The following HEG1 variants were observed in gnomAD, a reference collection of about 807,000 sequenced individuals.
The protein encoded by HEG1 is protein HEG homolog 1.
A neutral mutation model predicts 125.6 loss-of-function variants in HEG1; 56 were observed. The observed-to-expected ratio is 0.45, with a 90% confidence interval of 0.36 to 0.56. The LOEUF (loss-of-function observed/expected upper bound fraction) is 0.56, where lower values mean the gene tolerates loss of function less well. HEG1 is among the 20% of genes least tolerant of loss of function. HEG1 has a pLI of 0.00. For missense variants in HEG1, 1,523 were observed against 1,670.0 expected, an observed-to-expected ratio of 0.91 and a Z score of 1.53; for synonymous variants, 644 against 668.5, an observed-to-expected ratio of 0.96 and a Z score of 0.57.
intron 1 of HEG1, among the ~76,000 whole-genome samples, chr3:125,052,559 G>T (rs1027541645): frequency 1.3e-5 from 2 of 152,156 alleles, no homozygotes; most frequent in Admixed American, 1.3e-4. Context: ...CCTCTCATCT[G>T]CAGATCTCAC....
intron 7 of HEG1, 129 bp downstream of exon 7, chr3:125,010,310 T>A: frequency 1.7e-6 from 1 of 603,186 alleles, no homozygotes; most frequent in South Asian, 2.2e-5. Flanking sequence ...ACAAACATGC[T>A]GACTCTCAAG....
At chr3:125,019,868 T>C (rs1937310093) in intron 4 of HEG1, among the ~76,000 whole-genome samples, 1 of 152,210 alleles carries the variant, frequency 6.6e-6, no homozygotes, top group Admixed American at 6.5e-5. Flanking sequence ...GGCTTGAGTG[T>C]TTCATTCTCT....
rs115710778 is a variant in HEG1 at position 124,985,211 on chromosome 3, A to G, written c.3733+5576T>C. Among the ~76,000 whole-genome samples, 1,002 of 152,270 alleles carry G rather than the reference A, an allele frequency of 6.6e-3. 9 individuals are homozygous for G. The highest frequency in any genetic ancestry group is 0.021 in the African/African-American group (854 of 41,556). On this transcript the variant is annotated intron_variant, in intron 14 of 16. Coordinates refer to ENST00000311127, the MANE Select transcript of HEG1 (RefSeq NM_020733.2). ...AAGTTGCTCATTTCCAATAAGCTCC[A>G]AGGTGACATGGATCCTGCTGGCCTA... is the stretch of plus-strand genomic sequence containing the variant.
rs58802991 is a variant in HEG1 at position 124,973,015 on chromosome 3, C to CTATTAT, written c.3996+710_3996+715dup. On this transcript the variant is annotated intron_variant, in intron 16 of 16. Transcript: ENST00000311127. ...TTTTTGTTGTTGTTGTTTATTATTG[C>CTATTAT]TATTATTATTATTATTATTATTTTG... 1.4e-3 allele frequency among the ~76,000 whole-genome samples: 209 copies of CTATTAT among 150,228 alleles called. 1 individual carries two copies. Among genetic ancestry groups the CTATTAT allele is most frequent in the South Asian group, 4.3e-3 (20 of 4,692 alleles).
intron 8 of HEG1, among the ~76,000 whole-genome samples, chr3:125,008,599 G>A (rs1307350140): frequency 1.3e-5 from 2 of 152,126 alleles, no homozygotes; most frequent in African/African-American, 4.8e-5. Context: ...TCAGGAGTTC[G>A]AGAGCATGGC....
chr3:125,016,801 A>G (rs1436389838), intron 5 of HEG1, among the ~76,000 whole-genome samples: 2 of 152,334 alleles, frequency 1.3e-5, no homozygotes, highest in South Asian at 2.1e-4. Flanking sequence ...CAGCTAATAC[A>G]TTTTTGCTTT....
intron 12 of HEG1, among the ~76,000 whole-genome samples, chr3:124,993,491 T>C (rs7637635): frequency 0.69 from 104,536 of 151,934 alleles, 36,030 homozygotes; most frequent in Middle Eastern, 0.77. Flanking sequence ...CTCCCATGTC[T>C]GGTGGCCCTC....
At chr3:124,995,253 T>C (rs992216503) in intron 12 of HEG1, among the ~76,000 whole-genome samples, 1 of 151,940 alleles carries the variant, frequency 6.6e-6, no homozygotes, top group African/African-American at 2.4e-5. Flanking sequence ...GAGACTTGAT[T>C]GCGCCACTGC....
chr3:124,990,537 C>T (rs1282094399), intron 14 of HEG1, among the ~76,000 whole-genome samples: 1 of 152,158 alleles, frequency 6.6e-6, no homozygotes, highest in Admixed American at 6.5e-5. Flanking sequence ...CGGGCTTTCA[C>T]CATGTTGGCC....
chr3:124,989,999 G>A (rs1249544284), intron 14 of HEG1, among the ~76,000 whole-genome samples: 1 of 152,000 alleles, frequency 6.6e-6, no homozygotes, highest in East Asian at 1.9e-4. Context: ...CTTACACACT[G>A]TCCCCAGAAC....
chr3:124,974,563 C>T (rs1225024579), intron 15 of HEG1, among the ~76,000 whole-genome samples: 1 of 152,142 alleles, frequency 6.6e-6, no homozygotes, highest in Non-Finnish European at 1.5e-5. Context: ...TGAAAAAGCC[C>T]ACCTATTTAT....
At chr3:124,978,132 G>C (rs1228145809) in intron 14 of HEG1, among the ~76,000 whole-genome samples, 186 bp from the exon 15 acceptor site, 2 of 152,122 alleles carry the variant, frequency 1.3e-5, no homozygotes, top group Non-Finnish European at 2.9e-5. Flanking sequence ...ATATTGAGAA[G>C]AGTTTTTTGT....
chr3:125,047,501 ACTGT>A (rs1324459598), intron 1 of HEG1, among the ~76,000 whole-genome samples: 4 of 152,088 alleles, frequency 2.6e-5, no homozygotes, highest in African/African-American at 7.2e-5. Flanking sequence ...TTGAATTGAG[ACTGT>A]CTGACGCTTC....
At position 125,013,579 on chromosome 3, in the gene HEG1, G is replaced by C; in HGVS notation, c.2000C>G (p.Ser667Cys). The change falls in exon 6 of 17, where the codon TCC becomes TGC. Residue 667 changes from serine (S) to cysteine (C), a missense_variant. By Grantham distance (112) the Ser-to-Cys change is moderately radical. Coordinates refer to ENST00000311127, the MANE Select transcript of HEG1 (RefSeq NM_020733.2). ...AGGAGGCCCTGAAGAAGAAGAAGAGGAGGAGGAGGAAGAGGAGGAGGAGGA... is the reference window on the plus strand; with the variant it reads ...AGGAGGCCCTGAAGAAGAAGAAGAGCAGGAGGAGGAAGAGGAGGAGGAGGA... ...SDSSSSSSSSSSSSSSGPPLP... is the reference protein window; with the variant it reads ...SDSSSSSSSSCSSSSSGPPLP... The C allele has an allele frequency of 6.3e-7, 1 of 1,596,378 alleles. No homozygotes were observed. The highest frequency in any genetic ancestry group is 8.5e-7 in the Non-Finnish European group (1 of 1,171,636).
Position 125,054,209 on chromosome 3 carries a change from C to T in HEG1, c.316+1366G>A, listed in dbSNP as rs1027664347. On this transcript the variant is annotated intron_variant, in intron 1 of 16. Transcript: ENST00000311127. ...CTTCCCGTGGAAGTTAGCAAAACAG[C>T]GTATGCTGTAAGTAATCTAAAGTCA... Among the ~76,000 whole-genome samples the T allele has an allele frequency of 7.9e-5, 12 of 152,312 alleles. No homozygotes were observed. The East Asian group carries it at 1.2e-3, about 15-fold the overall frequency.
In HEG1 at chr3:125,012,783, G is replaced by A. The variant is rs750412086; in HGVS notation, c.2796C>T (p.Gly932=). ...AAGCTGGGCTGTACTCTGCTGTAACGCCAAGCTTTGTGGTCATTTCTTTTG... is the reference window on the plus strand; with the variant it reads ...AAGCTGGGCTGTACTCTGCTGTAACACCAAGCTTTGTGGTCATTTCTTTTG... The part of the protein sequence containing the change: ...TSAKEMTTKL[G]VTAEYSPASR... The change falls in exon 6 of 17, where the codon GGC becomes GGT. Residue 932 remains glycine, a synonymous_variant. Coordinates refer to ENST00000311127, the MANE Select transcript of HEG1 (RefSeq NM_020733.2). 2.5e-5 allele frequency: 40 copies of A among 1,613,934 alleles called. No homozygotes were observed. The highest frequency in any genetic ancestry group is 1.3e-4 in the South Asian group (12 of 91,078).
chr3:124,992,014 C>T (rs1362373971), intron 12 of HEG1, among the ~76,000 whole-genome samples: 2 of 152,182 alleles, frequency 1.3e-5, no homozygotes, highest in South Asian at 2.1e-4. Flanking sequence ...CATATGGCTC[C>T]CCTTCTTTAA....
At position 125,002,328 on chromosome 3, in the gene HEG1, A is replaced by T. The variant is rs1937013207; in HGVS notation, c.3298-13T>A. The stretch of plus-strand genomic sequence containing the variant: ...AACACATATTTAACTGAAAGGAAGA[A>T]CAAGCCTGTCGTTAACAGTGAGTTA... On this transcript the variant is annotated splice_polypyrimidine_tract_variant and intron_variant, in intron 9 of 16. Transcript: ENST00000311127. 1 of 1,611,938 alleles carries T rather than the reference A, an allele frequency of 6.2e-7. No homozygotes were observed. The highest frequency in any genetic ancestry group is 8.5e-7 in the Non-Finnish European group (1 of 1,178,640).
intron 12 of HEG1, among the ~76,000 whole-genome samples, chr3:124,993,253 C>T (rs555717520): frequency 1.3e-5 from 2 of 152,292 alleles, no homozygotes; most frequent in South Asian, 2.1e-4. Context: ...CAAAACAGTC[C>T]GTTAATTTCC....
Sources: allele counts gnomAD v4.1 joint callset (sites outside exome capture counted in the v4.1 genomes callset), GRCh38; gene constraint gnomAD v4.1.1; transcripts MANE v1.5; gene names NCBI Gene and HGNC (gene_info 2026-07-23, HGNC 2026-07-21).